The following NKAIN2 variants were observed in gnomAD, a reference collection of about 807,000 sequenced individuals.
NKAIN2 encodes the protein sodium/potassium-transporting ATPase subunit beta-1-interacting protein 2.
NKAIN2 carries 14 observed loss-of-function variants against 32.6 expected under a neutral mutation model. The observed-to-expected ratio is 0.43, with a 90% CI of 0.28 to 0.67. The LOEUF (loss-of-function observed/expected upper bound fraction) is 0.67, where lower values mean the gene tolerates loss of function less well. NKAIN2 is among the 30% of genes least tolerant of loss of function. NKAIN2 has a pLI of 0.17. For missense variants in NKAIN2, 198 were observed against 258.3 expected (o/e 0.77, Z 1.60); for synonymous variants, 80 against 87.2 (o/e 0.92, Z 0.46).
intron 1 of NKAIN2, among the ~76,000 whole-genome samples, chr6:124,277,837 A>G (rs1043331957): frequency 1.3e-5 from 2 of 152,246 alleles, no homozygotes; most frequent in East Asian, 1.9e-4. Flanking sequence ...ATTTAGCACT[A>G]GAAACATAAT....
chr6:123,891,446 C>G (rs900994914), intron 1 of NKAIN2, among the ~76,000 whole-genome samples: 1 of 152,082 alleles, frequency 6.6e-6, no homozygotes, highest in Non-Finnish European at 1.5e-5. Flanking sequence ...AAATTAGTGT[C>G]TCTTCACTCT....
chr6:123,921,836 C>T (rs1322873997), intron 1 of NKAIN2, among the ~76,000 whole-genome samples: 1 of 151,724 alleles, frequency 6.6e-6, no homozygotes, highest in Non-Finnish European at 1.5e-5. Flanking sequence ...GAGGCTGAGG[C>T]AGGAGAATGG....
intron 3 of NKAIN2, among the ~76,000 whole-genome samples, chr6:124,477,741 TC>T (rs1370714077): frequency 2.1e-5 from 1 of 47,346 alleles, no homozygotes; most frequent in Admixed American, 3.2e-4. Flanking sequence ...TCCCTCTCCT[TC>T]CCCCTTCCCC....
intron 1 of NKAIN2, among the ~76,000 whole-genome samples, chr6:124,106,492 TA>T (rs1422202559): frequency 1.3e-5 from 2 of 152,230 alleles, no homozygotes; most frequent in Non-Finnish European, 2.9e-5. Flanking sequence ...CAGCAATCGA[TA>T]AATGCTTTGA....
At chr6:123,888,416 G>T (rs1210530842) in intron 1 of NKAIN2, among the ~76,000 whole-genome samples, 1 of 152,062 alleles carries the variant, frequency 6.6e-6, no homozygotes. Context: ...GATAACAAAG[G>T]TAACATTTTA....
At chr6:124,439,796 G>T (rs1658945058) in intron 3 of NKAIN2, among the ~76,000 whole-genome samples, 1 of 151,928 alleles carries the variant, frequency 6.6e-6, no homozygotes, top group Non-Finnish European at 1.5e-5. Flanking sequence ...AGGAATGTGG[G>T]CCATATACAT....
At chr6:124,099,534 T>G (rs1784787444) in intron 1 of NKAIN2, among the ~76,000 whole-genome samples, 1 of 152,232 alleles carries the variant, frequency 6.6e-6, no homozygotes, top group African/African-American at 2.4e-5. Flanking sequence ...GCACTTTTTA[T>G]TTTTGAAAAC....
chr6:124,180,230 A>T (rs1789374040), intron 1 of NKAIN2, among the ~76,000 whole-genome samples: 1 of 152,284 alleles, frequency 6.6e-6, no homozygotes, highest in Non-Finnish European at 1.5e-5. Context: ...AGACTGGGTA[A>T]TTTAACAAGG....
At chr6:124,474,357 C>A (rs2114680850) in intron 3 of NKAIN2, among the ~76,000 whole-genome samples, 1 of 152,080 alleles carries the variant, frequency 6.6e-6, no homozygotes, top group South Asian at 2.1e-4. Context: ...AAACAAACAC[C>A]CTCTGAGTTT....
At chr6:124,012,057 A>G (rs1164014312) in intron 1 of NKAIN2, among the ~76,000 whole-genome samples, 1 of 152,190 alleles carries the variant, frequency 6.6e-6, no homozygotes, top group East Asian at 1.9e-4. Flanking sequence ...ATGGAGGAAT[A>G]ATTGACATGA....
intron 1 of NKAIN2, among the ~76,000 whole-genome samples, chr6:124,139,887 A>C (rs1787049293): frequency 6.6e-6 from 1 of 152,206 alleles, no homozygotes; most frequent in African/African-American, 2.4e-5. Context: ...TATTAAAATA[A>C]AAATCTTACA....
chr6:124,618,493 A>T (rs1487614851), intron 3 of NKAIN2, among the ~76,000 whole-genome samples: 2 of 152,168 alleles, frequency 1.3e-5, no homozygotes, highest in African/African-American at 4.8e-5. Flanking sequence ...ATAAATAAAT[A>T]AATAAATAAA....
At chr6:123,849,462 G>A (rs1775224820) in intron 1 of NKAIN2, among the ~76,000 whole-genome samples, 1 of 152,170 alleles carries the variant, frequency 6.6e-6, no homozygotes, top group Non-Finnish European at 1.5e-5. Flanking sequence ...ATAGTCTGAG[G>A]CTCACCTTAG....
chr6:123,900,470 T>A lies in NKAIN2; in HGVS notation c.54+96216T>A, dbSNP rs9388290. Among the ~76,000 whole-genome samples the A allele has an allele frequency of 7.5e-4, 100 of 134,118 alleles. No homozygotes were observed. The East Asian group carries it at 0.022, about 30-fold the overall frequency. The allele number at this position is 134,118 out of a possible 152,430, so 88.0% of individuals were successfully genotyped here. A position where few individuals can be genotyped will look rare whatever the true frequency, so the allele number is the denominator to read the frequency against. ...CCTGGTGACAGAGCGAGACTCTGTCTCAAAAAATAATAATAATAAAAGAAA... is the reference window on the plus strand; with the variant it reads ...CCTGGTGACAGAGCGAGACTCTGTCACAAAAAATAATAATAATAAAAGAAA... On this transcript the variant is annotated intron_variant, in intron 1 of 6. Transcript: ENST00000368417.
At chr6:124,525,929 C>T (rs1779294998) in intron 3 of NKAIN2, among the ~76,000 whole-genome samples, 1 of 152,072 alleles carries the variant, frequency 6.6e-6, no homozygotes, top group African/African-American at 2.4e-5. Flanking sequence ...TTCATATCAG[C>T]AAGTGCATAT....
chr6:124,208,417 A>C (rs1022292340), intron 1 of NKAIN2, among the ~76,000 whole-genome samples: 2 of 151,802 alleles, frequency 1.3e-5, no homozygotes, highest in Non-Finnish European at 2.9e-5. Context: ...GATTTTCCAT[A>C]TGATGACCAC....
chr6:124,489,861 C>T (rs1004368406), intron 3 of NKAIN2, among the ~76,000 whole-genome samples: 1 of 151,642 alleles, frequency 6.6e-6, no homozygotes, highest in Non-Finnish European at 1.5e-5. Flanking sequence ...CTAATTTGTC[C>T]CCTATCCTCT....
chr6:123,998,558 A>G (rs1202021065), intron 1 of NKAIN2, among the ~76,000 whole-genome samples: 3 of 152,086 alleles, frequency 2.0e-5, no homozygotes, highest in African/African-American at 7.2e-5. Context: ...AAATCAAGAC[A>G]TCTTTCGTAA....
chr6:124,621,884 C>A (rs568900590), intron 3 of NKAIN2, among the ~76,000 whole-genome samples: 1 of 152,182 alleles, frequency 6.6e-6, no homozygotes, highest in Admixed American at 6.5e-5. Context: ...CCAGTTTTCT[C>A]CAAGGCAGGC....
Sources: gnomAD v4.1 joint callset for allele counts (sites outside exome capture counted in the v4.1 genomes callset) on GRCh38, gnomAD v4.1.1 for gene constraint, MANE v1.5 for transcripts, NCBI Gene and HGNC (gene_info 2026-07-23, HGNC 2026-07-21) for gene names.